The following CXCL13 variants were observed in gnomAD, a reference collection of about 807,000 sequenced individuals.
The protein encoded by CXCL13 is C-X-C motif chemokine 13.
A neutral mutation model predicts 12.2 loss-of-function variants in CXCL13; 7 were observed. The ratio of observed to expected loss-of-function variants is 0.57; its 90% CI spans 0.33 to 1.07. The LOEUF is 1.07. Among genes scored for constraint, CXCL13 ranks in the 50% least tolerant of loss-of-function variants. The pLI is 0.04. For missense variants in CXCL13, 113 were observed against 127.4 expected (o/e 0.89, Z 0.55); for synonymous variants, 47 against 42.4 (o/e 1.11, Z -0.42).
Position 77,584,723 on chromosome 4 carries a change from G to A in CXCL13, c.-42-21101G>A, listed in dbSNP as rs992930734. Among the ~76,000 whole-genome samples the A allele has an allele frequency of 2.0e-5, 3 of 152,136 alleles. No homozygotes were observed. In the East Asian group the frequency reaches 5.8e-4, roughly 29 times the overall value. ...TGCCTTGACTGTTTGGGAAAGCTGG[G>A]GTCAGGAAGAAATTGCCTGGAAAAA... On this transcript the variant is annotated intron_variant, in intron 1 of 4. Transcript: ENST00000286758.
At chr4:77,572,483 A>T (rs950643718) in intron 1 of CXCL13, among the ~76,000 whole-genome samples, 2 of 151,958 alleles carry the variant, frequency 1.3e-5, no homozygotes, top group African/African-American at 4.9e-5. Context: ...ATCGTATGAA[A>T]AAAAGCTCAA....
rs1578039454 is a variant in CXCL13, at chr4:77,531,170, A to G, written c.-43+19382A>G. 3.3e-5 allele frequency among the ~76,000 whole-genome samples: 5 copies of G among 150,288 alleles called. No individual in the cohort carries two copies. In the South Asian group the frequency reaches 1.1e-3, roughly 32 times the overall value. On this transcript the variant is annotated intron_variant, in intron 1 of 4. Coordinates refer to the CXCL13 transcript ENST00000286758. The stretch of plus-strand genomic sequence containing the variant: ...TTAAGTTTTAGGGTACATGTGCACA[A>G]CGTGCTGGTTTGTTACATATGTATA...
chr4:77,547,369 C>G (rs547703577), intron 1 of CXCL13, among the ~76,000 whole-genome samples: 2 of 152,288 alleles, frequency 1.3e-5, no homozygotes, highest in African/African-American at 4.8e-5. Flanking sequence ...GAGTCTAAGT[C>G]TCTTTCTAGG....
chr4:77,545,375 A>G (rs564048444), intron 1 of CXCL13, among the ~76,000 whole-genome samples: 1 of 152,318 alleles, frequency 6.6e-6, no homozygotes, highest in South Asian at 2.1e-4. Context: ...CTTCCTACCC[A>G]TGAGCATGGA....
At chr4:77,594,012 G>A (rs557661073) in intron 1 of CXCL13, among the ~76,000 whole-genome samples, 1 of 152,308 alleles carries the variant, frequency 6.6e-6, no homozygotes, top group Non-Finnish European at 1.5e-5. Context: ...TGGCTGATGT[G>A]GAATTTATAA....
chr4:77,532,005 G>A (rs1724939175), intron 1 of CXCL13, among the ~76,000 whole-genome samples: 1 of 152,136 alleles, frequency 6.6e-6, no homozygotes, highest in Non-Finnish European at 1.5e-5. Flanking sequence ...TATCCAATTT[G>A]CCAGTCTGTG....
intron 1 of CXCL13, among the ~76,000 whole-genome samples, chr4:77,512,374 A>G (rs1026057308): frequency 2.0e-5 from 3 of 152,204 alleles, no homozygotes; most frequent in Non-Finnish European, 4.4e-5. Flanking sequence ...TACTTCTATT[A>G]GTTTGCTAGA....
At position 77,611,618 on chromosome 4, in the gene CXCL13, A is replaced by G; in HGVS notation, c.*579A>G. 2.5e-6 allele frequency: 1 copy of G among 398,814 alleles called. No homozygotes were observed. Among genetic ancestry groups the G allele is most frequent in the East Asian group, 3.6e-5 (1 of 28,070 alleles). The allele number at this position is 398,814 out of a possible 1,614,324, so 24.7% of individuals were successfully genotyped here. On this transcript the variant is annotated 3_prime_UTR_variant, in exon 4 of 4. Transcript: ENST00000682537. Reference sequence around the variant, plus strand: ...TGTCTAAGATTAATAGCATTCGAAGATCCCCAGACTTCATAGAATACTCAG... The same window carrying G: ...TGTCTAAGATTAATAGCATTCGAAGGTCCCCAGACTTCATAGAATACTCAG...
intron 1 of CXCL13, among the ~76,000 whole-genome samples, chr4:77,597,242 A>G (rs894190780): frequency 6.6e-6 from 1 of 152,220 alleles, no homozygotes; most frequent in African/African-American, 2.4e-5. Flanking sequence ...TGATTATTAG[A>G]TTGAAGCTCT....
At chr4:77,539,271 T>C (rs968662681) in intron 1 of CXCL13, among the ~76,000 whole-genome samples, 1 of 152,068 alleles carries the variant, frequency 6.6e-6, no homozygotes, top group Admixed American at 6.6e-5. Flanking sequence ...ATTTTAGTCA[T>C]AAAAACTACA....
At chr4:77,557,313 G>A (rs1034370098) in intron 1 of CXCL13, among the ~76,000 whole-genome samples, 1 of 152,118 alleles carries the variant, frequency 6.6e-6, no homozygotes, top group Non-Finnish European at 1.5e-5. Flanking sequence ...CTGTGGAAAG[G>A]CTAGGGGAAT....
chr4:77,525,928 T>TA (rs1170043850), intron 1 of CXCL13, among the ~76,000 whole-genome samples: 3 of 151,502 alleles, frequency 2.0e-5, no homozygotes, highest in African/African-American at 4.8e-5. Context: ...TTGTTTTTTT[T>TA]TTATTATTTT....
At chr4:77,548,588 A>G (rs185617369) in intron 1 of CXCL13, among the ~76,000 whole-genome samples, 137 of 152,354 alleles carry the variant, frequency 9.0e-4, no homozygotes, top group Non-Finnish European at 1.5e-3. Context: ...GACAGTGAAT[A>G]CAAGTGAGTA....
chr4:77,538,265 A>G (rs551918627), intron 1 of CXCL13, among the ~76,000 whole-genome samples: 6 of 152,080 alleles, frequency 3.9e-5, no homozygotes, highest in African/African-American at 1.2e-4. Context: ...ACAAAAAGAG[A>G]CTGCCTCAGA....
chr4:77,565,058 T>A (rs1465397464), intron 1 of CXCL13, among the ~76,000 whole-genome samples: 1 of 152,208 alleles, frequency 6.6e-6, no homozygotes, highest in Non-Finnish European at 1.5e-5. Context: ...GTTCTACTGA[T>A]CCCTTGGTTC....
At chr4:77,523,236 A>C (rs1269150900) in intron 1 of CXCL13, among the ~76,000 whole-genome samples, 1 of 152,110 alleles carries the variant, frequency 6.6e-6, no homozygotes, top group Non-Finnish European at 1.5e-5. Flanking sequence ...TCTGTATTTC[A>C]GGAATTTGAA....
chr4:77,579,198 GCAC>G (rs1726260171), intron 1 of CXCL13, among the ~76,000 whole-genome samples: 1 of 152,186 alleles, frequency 6.6e-6, no homozygotes. Context: ...CTCACTGAAG[GCAC>G]CCACATTTTG....
At chr4:77,532,563 T>C (rs1724954512) in intron 1 of CXCL13, among the ~76,000 whole-genome samples, 2 of 152,202 alleles carry the variant, frequency 1.3e-5, no homozygotes, top group Admixed American at 1.3e-4. Flanking sequence ...TGTGGCGTTC[T>C]CCGTATTTCC....
intron 1 of CXCL13, among the ~76,000 whole-genome samples, chr4:77,596,726 A>G (rs1726768714): frequency 6.7e-6 from 1 of 149,440 alleles, no homozygotes; most frequent in South Asian, 2.2e-4. Context: ...CAGAGGTTGC[A>G]GTGAGCTGAG....
Sources: gnomAD v4.1 joint callset for allele counts (sites outside exome capture counted in the v4.1 genomes callset) on GRCh38, gnomAD v4.1.1 for gene constraint, MANE v1.5 for transcripts, NCBI Gene and HGNC (gene_info 2026-07-23, HGNC 2026-07-21) for gene names.